The following GNAL variants were observed in gnomAD, a reference collection of about 807,000 sequenced individuals.
The protein encoded by GNAL is guanine nucleotide-binding protein G(olf) subunit alpha.
GNAL carries 18 observed loss-of-function variants against 55.1 expected under a neutral mutation model. That is an observed-to-expected ratio of 0.33 (90% CI 0.23 to 0.48). The LOEUF (loss-of-function observed/expected upper bound fraction) is 0.48, where lower values mean the gene tolerates loss of function less well. GNAL is among the 20% of genes least tolerant of loss of function. GNAL has a pLI of 0.99. For synonymous variants in GNAL, 253 were observed against 237.0 expected (o/e 1.07, Z -0.62); for missense variants, 412 against 614.1 (o/e 0.67, Z 3.48).
chr18:11,743,529 CAGAA>C (rs752722821), intron 1 of GNAL, among the ~76,000 whole-genome samples: 1 of 152,178 alleles, frequency 6.6e-6, no homozygotes, highest in Non-Finnish European at 1.5e-5. Context: ...AATATTCCCT[CAGAA>C]AGAAACTTTG....
intron 1 of GNAL, among the ~76,000 whole-genome samples, chr18:11,697,553 G>T (rs2031449638): frequency 6.6e-6 from 1 of 151,272 alleles, no homozygotes; most frequent in South Asian, 2.1e-4. Context: ...GCAAGACTCA[G>T]TCTCAGAAAA....
At chr18:11,809,066 T>A (rs890775774) in intron 4 of GNAL, among the ~76,000 whole-genome samples, 1 of 152,226 alleles carries the variant, frequency 6.6e-6, no homozygotes, top group Non-Finnish European at 1.5e-5. Flanking sequence ...AAGACCAGCC[T>A]GGCCAACATG....
intron 4 of GNAL, among the ~76,000 whole-genome samples, chr18:11,813,249 CATCTTAAAAAAAAGAAAAAAAGACA>C: frequency 2.8e-4 from 1 of 3,550 alleles, no homozygotes; most frequent in East Asian, 8.8e-3. Context: ...GGTGAGACTC[CATCTTAAAAAAAAGAAAAAAAGACA>C]TAAGTAGAGA....
intron 5 of GNAL, among the ~76,000 whole-genome samples, chr18:11,840,057 T>C (rs774976921): frequency 6.6e-5 from 10 of 152,324 alleles, no homozygotes; most frequent in Admixed American, 2.0e-4. Flanking sequence ...GATCACATAA[T>C]AACTAGGATC....
chr18:11,786,615 A>ATT (rs61303052), intron 4 of GNAL, among the ~76,000 whole-genome samples: 5 of 132,970 alleles, frequency 3.8e-5, no homozygotes, highest in Non-Finnish European at 1.6e-5. Flanking sequence ...CACCTGGCTA[A>ATT]TTTTTTTTTT....
At chr18:11,851,319 C>T in intron 5 of GNAL, 1 of 642,400 alleles carries the variant, frequency 1.6e-6, no homozygotes. Context: ...CCACAGGCCC[C>T]ACCCCGGCGC....
At chr18:11,798,851 G>A (rs1263640358) in intron 4 of GNAL, among the ~76,000 whole-genome samples, 1 of 152,052 alleles carries the variant, frequency 6.6e-6, no homozygotes, top group African/African-American at 2.4e-5. Context: ...GGCACGGTGG[G>A]TGGCTCATGC....
chr18:11,752,756 C>A lies in GNAL; in HGVS notation c.377-97C>A, dbSNP rs1360821822. On this transcript the variant is annotated intron_variant, in intron 1 of 11. Transcript: ENST00000334049. The surrounding 1 kb of genome is among the most constrained non-coding windows in gnomAD (Gnocchi z 4.5). ...CAGGAACCCGCGTGTAGGAAATCCC[C>A]GTGCTGGGGGAGGAGGATTGCTCAG... 1.7e-6 allele frequency: 2 copies of A among 1,153,188 alleles called. No individual in the cohort carries two copies. The highest frequency in any genetic ancestry group is 3.1e-5 in the African/African-American group (2 of 64,524). The allele number at this position is 1,153,188 out of a possible 1,614,324, so 71.4% of individuals were successfully genotyped here.
At chr18:11,740,442 G>A (rs2032552924) in intron 1 of GNAL, among the ~76,000 whole-genome samples, 1 of 152,136 alleles carries the variant, frequency 6.6e-6, no homozygotes, top group Non-Finnish European at 1.5e-5. Flanking sequence ...CATTTCAGCA[G>A]ACAGAAATAG....
intron 1 of GNAL, among the ~76,000 whole-genome samples, chr18:11,724,850 A>G (rs1288760555): frequency 1.3e-5 from 2 of 152,182 alleles, no homozygotes; most frequent in Admixed American, 6.5e-5. Flanking sequence ...TCTTAAAAGG[A>G]AAGTCCTTAT....
intron 4 of GNAL, among the ~76,000 whole-genome samples, chr18:11,817,640 C>T (rs992757789): frequency 1.3e-5 from 2 of 152,080 alleles, no homozygotes; most frequent in Non-Finnish European, 2.9e-5. Flanking sequence ...CTTGCTCTGT[C>T]GCCCAGGCTG....
intron 4 of GNAL, among the ~76,000 whole-genome samples, chr18:11,805,938 G>T (rs1159001574): frequency 6.6e-6 from 1 of 152,166 alleles, no homozygotes. Flanking sequence ...GTTTTCCATA[G>T]AAGTTGTGCT....
intron 4 of GNAL, among the ~76,000 whole-genome samples, chr18:11,822,181 G>A (rs1486910976): frequency 1.3e-5 from 2 of 152,202 alleles, no homozygotes; most frequent in South Asian, 4.1e-4. Context: ...TCAAGATGGG[G>A]TTTCTCGGGC....
intron 4 of GNAL, among the ~76,000 whole-genome samples, chr18:11,756,968 G>A (rs1443731610): frequency 6.6e-6 from 1 of 152,182 alleles, no homozygotes; most frequent in Non-Finnish European, 1.5e-5. Context: ...TAATTTTCCT[G>A]TAGGGGTAAG....
chr18:11,792,311 G>A (rs1006871100), intron 4 of GNAL, among the ~76,000 whole-genome samples: 2 of 151,906 alleles, frequency 1.3e-5, no homozygotes, highest in East Asian at 1.9e-4. Flanking sequence ...TCAGCCTCCC[G>A]AGTAGCTGGG....
rs753692101 is a variant in GNAL at position 11,753,942 on chromosome 18, C to G, written c.621C>G (p.Ser207=). The part of the protein sequence containing the change: ...SIAPITDFEY[S]QEFFDHVKKL... ...CCCCTATCACTGACTTTGAATATTC[C>G]CAGGTAAGAAATGCTTACTGAAATA... Residue 207 remains serine (S), a synonymous_variant, in exon 4 of 12, where the codon TCC becomes TCG. Transcript: ENST00000334049. 6.2e-7 allele frequency: 1 copy of G among 1,605,956 alleles called. No individual in the cohort carries two copies. The highest frequency in any genetic ancestry group is 8.5e-7 in the Non-Finnish European group (1 of 1,173,940).
rs527833300 is a variant in GNAL at position 11,720,923 on chromosome 18, A to G, written c.376+30984A>G. 5.7e-4 allele frequency among the ~76,000 whole-genome samples: 87 copies of G among 152,352 alleles called. 1 individual carries two copies. Among genetic ancestry groups the G allele is most frequent in the African/African-American group, 1.0e-3 (43 of 41,574 alleles). ...AATGTCCCTAAATAACTTTATTGCA[A>G]TATAAGATTTGCATACAGATGCAAT... On this transcript the variant is annotated intron_variant, in intron 1 of 11. Coordinates refer to ENST00000334049, the MANE Select transcript of GNAL (RefSeq NM_182978.4).
At chr18:11,792,004 C>T (rs568083421) in intron 4 of GNAL, among the ~76,000 whole-genome samples, 1 of 152,252 alleles carries the variant, frequency 6.6e-6, no homozygotes, top group African/African-American at 2.4e-5. Flanking sequence ...ATTTTAATTT[C>T]CTGCTAATTT....
intron 9 of GNAL, among the ~76,000 whole-genome samples, chr18:11,869,135 T>A (rs1432561969): frequency 7.5e-6 from 1 of 133,724 alleles, no homozygotes; most frequent in Non-Finnish European, 1.5e-5. Context: ...TGTGGAATAT[T>A]TTTTTTTATT....
Sources: allele counts gnomAD v4.1 joint callset (sites outside exome capture counted in the v4.1 genomes callset), GRCh38; gene constraint gnomAD v4.1.1; non-coding constraint Gnocchi (gnomAD v3.1); transcripts MANE v1.5; gene names NCBI Gene and HGNC (gene_info 2026-07-23, HGNC 2026-07-21).